Variants in PEX14 observed in about 807,000 individuals in gnomAD.
PEX14 encodes the protein peroxisomal biogenesis factor 14.
Under a neutral mutation model 49.5 loss-of-function variants are expected in PEX14, and 15 were observed. The ratio of observed to expected loss-of-function variants is 0.30; its 90% CI spans 0.20 to 0.47. The LOEUF is 0.47. Among genes scored for constraint, PEX14 ranks in the 20% least tolerant of loss-of-function variants. PEX14 has a pLI of 1.00. For missense variants in PEX14, 398 were observed against 494.8 expected (o/e 0.80, Z 1.86); for synonymous variants, 210 against 212.7 (o/e 0.99, Z 0.11).
In PEX14 at chr1:10,613,611, G is replaced by A. The variant is rs1324358336; in HGVS notation, c.299-4721G>A. Among the ~76,000 whole-genome samples the A allele has an allele frequency of 1.3e-5, 2 of 152,180 alleles. No individual in the cohort carries two copies. The highest frequency in any genetic ancestry group is 6.5e-5 in the Admixed American group (1 of 15,284). ...GAGATGCCAGGGCTTTGGTACTGGTGAGGAACCCCTGCCACGCAGCTAGGG... is the reference window on the plus strand; with the variant it reads ...GAGATGCCAGGGCTTTGGTACTGGTAAGGAACCCCTGCCACGCAGCTAGGG... On this transcript the variant is annotated intron_variant, in intron 4 of 8. Coordinates refer to ENST00000356607, the MANE Select transcript of PEX14 (RefSeq NM_004565.3). This position sits in a 1 kb window ranked among gnomAD's most constrained non-coding sequence, Gnocchi z 5.0.
intron 1 of PEX14, among the ~76,000 whole-genome samples, chr1:10,492,902 A>T (rs1250823250): frequency 6.6e-6 from 1 of 152,218 alleles, no homozygotes; most frequent in African/African-American, 2.4e-5. Flanking sequence ...ACATCTGCTC[A>T]GGTCCTTGAA....
intron 2 of PEX14, among the ~76,000 whole-genome samples, chr1:10,506,679 G>T (rs1248505830): frequency 1.3e-5 from 2 of 152,244 alleles, no homozygotes; most frequent in Non-Finnish European, 2.9e-5. Flanking sequence ...GTCAAATTAG[G>T]TGTGAGCGAG....
intron 4 of PEX14, among the ~76,000 whole-genome samples, chr1:10,608,951 A>G (rs976369275): frequency 6.6e-6 from 1 of 152,014 alleles, no homozygotes; most frequent in Non-Finnish European, 1.5e-5. Flanking sequence ...GCAACCACTA[A>G]TCTCCTTTTC....
chr1:10,513,638 G>C (rs1359209414), intron 2 of PEX14, among the ~76,000 whole-genome samples: 1 of 152,184 alleles, frequency 6.6e-6, no homozygotes, highest in African/African-American at 2.4e-5. Flanking sequence ...ATCATTTAGT[G>C]CTCATGGCCT....
intron 3 of PEX14, among the ~76,000 whole-genome samples, chr1:10,582,142 A>T (rs1640339097): frequency 6.6e-6 from 1 of 152,118 alleles, no homozygotes; most frequent in African/African-American, 2.4e-5. Context: ...TTAAATGTTA[A>T]TGATGACAGT....
intron 2 of PEX14, among the ~76,000 whole-genome samples, chr1:10,520,109 G>T (rs1011752608): frequency 6.0e-5 from 9 of 150,912 alleles, no homozygotes; most frequent in African/African-American, 2.2e-4. Flanking sequence ...CACAGTGCTG[G>T]GATTACAGGC....
At chr1:10,531,194 T>C (rs527402625) in intron 2 of PEX14, among the ~76,000 whole-genome samples, 24 of 152,306 alleles carry the variant, frequency 1.6e-4, no homozygotes, top group African/African-American at 5.5e-4. Context: ...TAGTGAGATA[T>C]ATAGCTTCAT....
Position 10,630,672 on chromosome 1 carries a change from A to T in PEX14, c.*685A>T, listed in dbSNP as rs1156589089. 6.5e-6 allele frequency: 1 copy of T among 153,468 alleles called. No homozygotes were observed. The allele number at this position is 153,468 out of a possible 1,614,324, so 9.5% of individuals were successfully genotyped here. ...CTCTGTCCTTCCCCCCAGGAAACAC[A>T]TGTTCATTTGTGTGATCATGTATAG... On this transcript the variant is annotated 3_prime_UTR_variant, in exon 9 of 9. Transcript: ENST00000356607. This position sits in a 1 kb window ranked among gnomAD's most constrained non-coding sequence, Gnocchi z 4.1.
intron 4 of PEX14, among the ~76,000 whole-genome samples, chr1:10,601,904 A>C (rs575524388): frequency 6.6e-6 from 1 of 152,248 alleles, no homozygotes; most frequent in Admixed American, 6.5e-5. Context: ...TCTAAGATGC[A>C]CATCTGTTCT....
At position 10,596,470 on chromosome 1, in the gene PEX14, G is replaced by A. The variant is rs6681793; in HGVS notation, c.170-2768G>A. Among the ~76,000 whole-genome samples, 1,373 of 152,272 alleles carry A rather than the reference G, an allele frequency of 9.0e-3. 27 individuals carry two copies. The highest frequency in any genetic ancestry group is 0.031 in the African/African-American group (1,291 of 41,540). ...TGGCTCCTTCCTGTAGATGAGAGTGGCGGGGTAGGGAGAAGAAAATGTAGT... is the reference window on the plus strand; with the variant it reads ...TGGCTCCTTCCTGTAGATGAGAGTGACGGGGTAGGGAGAAGAAAATGTAGT... On this transcript the variant is annotated intron_variant, in intron 3 of 8. Coordinates refer to ENST00000356607, the MANE Select transcript of PEX14 (RefSeq NM_004565.3).
intron 1 of PEX14, among the ~76,000 whole-genome samples, chr1:10,483,465 C>T (rs1001876377): frequency 6.6e-6 from 1 of 152,084 alleles, no homozygotes; most frequent in Non-Finnish European, 1.5e-5. Flanking sequence ...TGCAGGTGTG[C>T]ACCACCATGC....
rs1641686225 is a variant in PEX14, at chr1:10,624,412, T to G, written c.560T>G (p.Leu187Arg). The G allele has an allele frequency of 6.2e-7, 1 of 1,612,894 alleles. No homozygotes were observed. Reference sequence around the variant, plus strand: ...CAGCAGCAGCAGAAGATCCAGGAGCTTGCCCACGAGCTGGCCGCTGCCAAG... The same window carrying G: ...CAGCAGCAGCAGAAGATCCAGGAGCGTGCCCACGAGCTGGCCGCTGCCAAG... The part of the protein sequence containing the change: ...LIQQQQKIQE[L>R]AHELAAAKAT... The change falls in exon 7 of 9, where the codon CTT (leucine) becomes CGT (arginine). Residue 187 changes from leucine to arginine, a missense_variant. Transcript: ENST00000356607.
At chr1:10,589,750 C>T (rs1272976379) in intron 3 of PEX14, among the ~76,000 whole-genome samples, 1 of 152,154 alleles carries the variant, frequency 6.6e-6, no homozygotes, top group Non-Finnish European at 1.5e-5. Flanking sequence ...TTTATTATTT[C>T]TTAGAAGCAA....
chr1:10,627,011 C>T (rs1641767669), intron 7 of PEX14, among the ~76,000 whole-genome samples: 1 of 152,198 alleles, frequency 6.6e-6, no homozygotes, highest in African/African-American at 2.4e-5. Context: ...CTAAAAGACG[C>T]CCACGATACC....
At chr1:10,508,579 C>G (rs1980932) in intron 2 of PEX14, among the ~76,000 whole-genome samples, 4,850 of 152,242 alleles carry the variant, frequency 0.032, 265 homozygotes, top group African/African-American at 0.11. Context: ...CTCCCTCCCC[C>G]CCAGAAGTGC....
intron 2 of PEX14, among the ~76,000 whole-genome samples, chr1:10,511,393 AGTG>A (rs1371175932): frequency 3.3e-5 from 5 of 151,748 alleles, no homozygotes; most frequent in African/African-American, 1.2e-4. Flanking sequence ...GAGTAGTTGA[AGTG>A]GTTTTTGCTA....
chr1:10,614,986 C>T (rs1414096118), intron 4 of PEX14, among the ~76,000 whole-genome samples: 1 of 152,052 alleles, frequency 6.6e-6, no homozygotes, highest in Non-Finnish European at 1.5e-5. Context: ...GGTGAAAGAT[C>T]CGTCTGCCTC....
At chr1:10,522,485 G>A (rs1357901000) in intron 2 of PEX14, among the ~76,000 whole-genome samples, 2 of 152,212 alleles carry the variant, frequency 1.3e-5, no homozygotes, top group Admixed American at 1.3e-4. Flanking sequence ...CATTTGTCAG[G>A]GTTGTTGGAG....
intron 3 of PEX14, among the ~76,000 whole-genome samples, chr1:10,595,778 CTG>C (rs1459145086): frequency 6.6e-6 from 1 of 152,138 alleles, no homozygotes; most frequent in African/African-American, 2.4e-5. Flanking sequence ...AAGGAAGTGT[CTG>C]TGTCTAATTT....
Sources: allele counts gnomAD v4.1 joint callset (sites outside exome capture counted in the v4.1 genomes callset), GRCh38; gene constraint gnomAD v4.1.1; non-coding constraint Gnocchi (gnomAD v3.1); transcripts MANE v1.5; gene names NCBI Gene and HGNC (gene_info 2026-07-23, HGNC 2026-07-21).